The following CAMKMT variants were observed in gnomAD, a reference collection of about 807,000 sequenced individuals.
CAMKMT encodes CaM KMT.
A neutral mutation model predicts 48.0 loss-of-function variants in CAMKMT; 53 were observed. The observed-to-expected ratio is 1.10, with a 90% CI of 0.89 to 1.39. The LOEUF is 1.39. Among genes scored for constraint, CAMKMT ranks in the 40% most tolerant of loss-of-function variants. The pLI, the probability that CAMKMT is intolerant of heterozygous loss-of-function variation, is 0.00. For missense variants in CAMKMT, 428 were observed against 402.7 expected (o/e 1.06, Z -0.54); for synonymous variants, 165 against 152.3 (o/e 1.08, Z -0.61).
At chr2:44,401,772 T>C (rs939706025) in intron 3 of CAMKMT, among the ~76,000 whole-genome samples, 1 of 152,168 alleles carries the variant, frequency 6.6e-6, no homozygotes, top group African/African-American at 2.4e-5. Flanking sequence ...TGTAGATCAA[T>C]TTCTTGCTTT....
intron 3 of CAMKMT, among the ~76,000 whole-genome samples, chr2:44,599,503 G>A (rs943541918): frequency 6.6e-6 from 1 of 152,022 alleles, no homozygotes; most frequent in Non-Finnish European, 1.5e-5. Context: ...TTTAATACAT[G>A]CCCTGTTATT....
At chr2:44,417,217 C>A (rs1327726856) in intron 3 of CAMKMT, among the ~76,000 whole-genome samples, 1 of 151,844 alleles carries the variant, frequency 6.6e-6, no homozygotes, top group African/African-American at 2.4e-5. Flanking sequence ...CATGGTGAAA[C>A]CCTGTCACTA....
intron 3 of CAMKMT, among the ~76,000 whole-genome samples, chr2:44,396,056 C>G (rs1373310301): frequency 6.6e-6 from 1 of 152,004 alleles, no homozygotes; most frequent in African/African-American, 2.4e-5. Flanking sequence ...AGTATTGGGA[C>G]CATTGCCTAG....
intron 3 of CAMKMT, among the ~76,000 whole-genome samples, chr2:44,699,006 G>A (rs1490918433): frequency 6.6e-6 from 1 of 152,168 alleles, no homozygotes; most frequent in African/African-American, 2.4e-5. Context: ...CATCCTTTCA[G>A]GTTTGATCAT....
intron 3 of CAMKMT, among the ~76,000 whole-genome samples, chr2:44,585,841 T>C (rs2103791474): frequency 2.0e-5 from 3 of 152,328 alleles, no homozygotes; most frequent in African/African-American, 7.2e-5. Context: ...ATCAATTCTG[T>C]GTTATTATTT....
rs768856590 is a variant in CAMKMT at position 44,772,137 on chromosome 2, A to G, written c.*24A>G. On this transcript the variant is annotated 3_prime_UTR_variant, in exon 11 of 11. Transcript: ENST00000378494. ...AGAAGATTAAGCTTCTCAAAGACGA[A>G]GAAACGTATCAAGTGCATAGGGAAT... is the stretch of plus-strand genomic sequence containing the variant. 3 of 1,588,104 alleles carry G rather than the reference A, an allele frequency of 1.9e-6. No individual in the cohort carries two copies. In the East Asian group the frequency reaches 6.7e-5, roughly 35 times the overall value.
At chr2:44,393,977 A>G (rs949710908) in intron 3 of CAMKMT, among the ~76,000 whole-genome samples, 2 of 152,240 alleles carry the variant, frequency 1.3e-5, no homozygotes, top group African/African-American at 4.8e-5. Flanking sequence ...TTTGGATACC[A>G]TAGTATCTAA....
rs547110302 is a variant in CAMKMT at position 44,627,742 on chromosome 2, C to T, written c.377-76541C>T. 3.5e-4 allele frequency among the ~76,000 whole-genome samples: 38 copies of T among 109,136 alleles called. 1 individual carries two copies. In the East Asian group the frequency reaches 9.7e-3, roughly 28 times the overall value. The allele number at this position is 109,136 out of a possible 152,430, so 71.6% of individuals were successfully genotyped here. On this transcript the variant is annotated intron_variant, in intron 3 of 10. Coordinates refer to ENST00000378494, the MANE Select transcript of CAMKMT (RefSeq NM_024766.5). ...TTTTTTTTTTTGAGATGGAGTCTCA[C>T]TCTGTCACCTAGGCTGGAGTGCAGT...
chr2:44,539,101 C>T (rs531656566), intron 3 of CAMKMT, among the ~76,000 whole-genome samples: 4 of 151,246 alleles, frequency 2.6e-5, no homozygotes, highest in East Asian at 2.0e-4. Flanking sequence ...CTCAGGAGTT[C>T]GAAACCAGCC....
intron 1 of CAMKMT, among the ~76,000 whole-genome samples, chr2:44,365,794 C>G (rs1166910937): frequency 6.6e-6 from 1 of 152,214 alleles, no homozygotes; most frequent in Admixed American, 6.5e-5. Flanking sequence ...GTAGCAATGA[C>G]TGTTACACAC....
chr2:44,547,948 T>C (rs1667495439), intron 3 of CAMKMT, among the ~76,000 whole-genome samples: 1 of 152,136 alleles, frequency 6.6e-6, no homozygotes, highest in South Asian at 2.1e-4. Context: ...TCTCATTGGC[T>C]GCTTGCCCAT....
Position 44,667,662 on chromosome 2 carries a change from AC to A in CAMKMT, c.377-36616del, listed in dbSNP as rs1010095590. 4.4e-4 allele frequency among the ~76,000 whole-genome samples: 67 copies of A among 151,564 alleles called. 1 individual carries two copies. The highest frequency in any genetic ancestry group is 2.2e-4 in the Non-Finnish European group (15 of 67,902). On this transcript the variant is annotated intron_variant, in intron 3 of 10. Transcript: ENST00000378494. ...TCCCTGCACACCCTCTTAGCTACCTACCCCCGCAGTCATACCCCAGACCTTG... is the reference window on the plus strand; with the variant it reads ...TCCCTGCACACCCTCTTAGCTACCTACCCCGCAGTCATACCCCAGACCTTG...
At chr2:44,668,481 AAAAGG>A (rs1272878591) in intron 3 of CAMKMT, among the ~76,000 whole-genome samples, 4 of 152,182 alleles carry the variant, frequency 2.6e-5, no homozygotes, top group Non-Finnish European at 5.9e-5. Context: ...TCGTCTTCAG[AAAAGG>A]AAAGACAAGA....
chr2:44,496,295 G>A (rs543098620), intron 3 of CAMKMT, among the ~76,000 whole-genome samples: 191 of 152,182 alleles, frequency 1.3e-3, no homozygotes, highest in Non-Finnish European at 2.1e-3. Flanking sequence ...ATATTTTTCC[G>A]ATACTATTGC....
intron 3 of CAMKMT, among the ~76,000 whole-genome samples, chr2:44,587,555 C>G (rs1254353702): frequency 7.1e-6 from 1 of 141,694 alleles, no homozygotes; most frequent in Non-Finnish European, 1.5e-5. Context: ...GCTGCCATCT[C>G]GGCTCACTGC....
At chr2:44,434,678 G>GTA in intron 3 of CAMKMT, among the ~76,000 whole-genome samples, 1 of 152,022 alleles carries the variant, frequency 6.6e-6, no homozygotes, top group South Asian at 2.1e-4. Context: ...GTGTGTGTGT[G>GTA]TATGTGTCTG....
intron 3 of CAMKMT, among the ~76,000 whole-genome samples, chr2:44,474,794 G>C (rs570653938): frequency 2.4e-4 from 37 of 152,292 alleles, no homozygotes; most frequent in African/African-American, 7.0e-4. Context: ...TAACAGCACT[G>C]TAAATACATG....
At chr2:44,620,656 T>C (rs1672131838) in intron 3 of CAMKMT, among the ~76,000 whole-genome samples, 3 of 152,264 alleles carry the variant, frequency 2.0e-5, no homozygotes, top group Non-Finnish European at 2.9e-5. Flanking sequence ...ACATCTATTC[T>C]GTGAGAAAGG....
At chr2:44,430,576 C>T (rs1285067719) in intron 3 of CAMKMT, among the ~76,000 whole-genome samples, 1 of 151,552 alleles carries the variant, frequency 6.6e-6, no homozygotes, top group African/African-American at 2.4e-5. Context: ...AACCCTGGGG[C>T]TCCCATCCTT....
Sources: gnomAD v4.1 joint callset for allele counts (sites outside exome capture counted in the v4.1 genomes callset) on GRCh38, gnomAD v4.1.1 for gene constraint, MANE v1.5 for transcripts, NCBI Gene and HGNC (gene_info 2026-07-23, HGNC 2026-07-21) for gene names.